PBLD: variants seen among roughly 807,000 people sequenced by gnomAD.
PBLD encodes phenazine biosynthesis-like domain-containing protein.
Under a neutral mutation model 31.3 loss-of-function variants are expected in PBLD, and 26 were observed. The ratio of observed to expected loss-of-function variants is 0.83; its 90% CI spans 0.61 to 1.15. The LOEUF is 1.15. Ranked by LOEUF, PBLD falls within the 50% of genes most tolerant of loss-of-function variation. The probability of loss-of-function intolerance (pLI) is 0.00; values close to 1 mark genes in which losing one functional copy is unlikely to be tolerated. For missense variants in PBLD, 307 were observed against 351.7 expected (o/e 0.87, Z 1.02); for synonymous variants, 114 against 129.0 (o/e 0.88, Z 0.79).
At chr10:68,297,186 G>A in intron 2 of PBLD, 1 of 576,868 alleles carries the variant, frequency 1.7e-6, no homozygotes, top group East Asian at 3.0e-5. Context: ...TGTGAAGAAG[G>A]GTTATAAATG....
chr10:68,304,712 A>G (rs990118982), intron 2 of PBLD, among the ~76,000 whole-genome samples: 5 of 152,244 alleles, frequency 3.3e-5, no homozygotes, highest in African/African-American at 9.6e-5. Context: ...ATTCTATTCA[A>G]TATAAACTAC....
At chr10:68,308,056 A>G (rs1478250495) in intron 1 of PBLD, among the ~76,000 whole-genome samples, 1 of 152,174 alleles carries the variant, frequency 6.6e-6, no homozygotes, top group African/African-American at 2.4e-5. Flanking sequence ...GTATTCACAG[A>G]GGATAGATCC....
In PBLD at chr10:68,282,726, C is replaced by T. The variant is rs534700614; in HGVS notation, c.*1451G>A. On this transcript the variant is annotated 3_prime_UTR_variant, in exon 10 of 10. Transcript: ENST00000358769. ...AGATTACTGCTATAATAAATTCACT[C>T]TTACATGCTTTAGCAAAAATCAGTA... is the stretch of plus-strand genomic sequence containing the variant. 6.6e-6 allele frequency: 1 copy of T among 152,136 alleles called. No homozygotes were observed. Among genetic ancestry groups the T allele is most frequent in the East Asian group, 1.9e-4 (1 of 5,180 alleles). 9.4% of individuals were successfully genotyped at this position (152,136 alleles called of 1,614,324 possible).
chr10:68,305,254 C>T (rs908228946), intron 2 of PBLD, among the ~76,000 whole-genome samples: 7 of 149,650 alleles, frequency 4.7e-5, no homozygotes, highest in Non-Finnish European at 1.0e-4. Flanking sequence ...AAACGACATT[C>T]CGCTCATCAG....
rs182346320 is a variant in PBLD at position 68,315,722 on chromosome 10, G to A, written c.-59-8819C>T. ...AAACCCTAAGCTCTCACCTCTGACT[G>A]AGACCTAGGGGTTTTGTGCAAGCAG... On this transcript the variant is annotated intron_variant, in intron 1 of 9. Transcript: ENST00000358769. Among the ~76,000 whole-genome samples, 69 of 152,246 alleles carry A rather than the reference G, an allele frequency of 4.5e-4. 1 individual carries two copies. In the East Asian group the frequency reaches 9.5e-3, roughly 21 times the overall value.
chr10:68,307,791 A>AC (rs1273605471), intron 1 of PBLD, among the ~76,000 whole-genome samples: 2 of 152,018 alleles, frequency 1.3e-5, no homozygotes, highest in Non-Finnish European at 2.9e-5. Context: ...GAGCCACCGC[A>AC]CCCGGCCGCT....
intron 8 of PBLD, among the ~76,000 whole-genome samples, chr10:68,285,699 G>GAC (rs1228668735): frequency 6.7e-6 from 1 of 150,234 alleles, no homozygotes; most frequent in Non-Finnish European, 1.5e-5. Flanking sequence ...ATTTTTTTGA[G>GAC]ACACAGTCTT....
intron 4 of PBLD, 152 bp from the exon 5 acceptor site, chr10:68,292,390 G>A: frequency 4.7e-6 from 3 of 640,018 alleles, no homozygotes; most frequent in Non-Finnish European, 8.1e-6. Flanking sequence ...CTAGAATGGA[G>A]AAAACTCTCA....
Position 68,283,942 on chromosome 10 carries a change from T to C in PBLD, c.*235A>G, listed in dbSNP as rs2044256728. 1 of 356,166 alleles carries C rather than the reference T, an allele frequency of 2.8e-6. No homozygotes were observed. Among genetic ancestry groups the C allele is most frequent in the Non-Finnish European group, 5.2e-6 (1 of 192,258 alleles). 22.1% of individuals were successfully genotyped at this position (356,166 alleles called of 1,614,324 possible). ...TTGTATTTGTAGTAGAGACGAGGTT[T>C]CACCATGTTGGCCAGGCTGGTGTCG... On this transcript the variant is annotated 3_prime_UTR_variant, in exon 10 of 10. Coordinates refer to ENST00000358769, the MANE Select transcript of PBLD (RefSeq NM_022129.4).
chr10:68,324,208 C>T (rs370821377), intron 1 of PBLD, among the ~76,000 whole-genome samples: 1 of 151,526 alleles, frequency 6.6e-6, no homozygotes. Context: ...CACCATGCCT[C>T]GCTCTGTTGC....
At chr10:68,309,227 G>A (rs1188614533) in intron 1 of PBLD, among the ~76,000 whole-genome samples, 1 of 149,130 alleles carries the variant, frequency 6.7e-6, no homozygotes, top group Non-Finnish European at 1.5e-5. Flanking sequence ...CCAACGTGGT[G>A]AAACCCATCT....
rs1400172957 is a variant in PBLD at position 68,296,983 on chromosome 10, T to C, written c.87A>G (p.Glu29=). 1 of 1,609,226 alleles carries C rather than the reference T, an allele frequency of 6.2e-7. No individual in the cohort carries two copies. The highest frequency in any genetic ancestry group is 2.2e-5 in the East Asian group (1 of 44,856). The change falls in exon 3 of 10, where the codon GAA becomes GAG. Residue 29 remains glutamate, a splice_region_variant and synonymous_variant. Coordinates refer to ENST00000358769, the MANE Select transcript of PBLD (RefSeq NM_022129.4). ...TTTTCTGATGCATGTCTTCATCCAA[T>C]TCCTTAATTAGAAACAGACGATCAT... ...NPAAVCLLEN[E]LDEDMHQKIA... is the part of the protein sequence containing the mutation.
chr10:68,319,588 G>T (rs1402997706), intron 1 of PBLD, among the ~76,000 whole-genome samples: 1 of 152,068 alleles, frequency 6.6e-6, no homozygotes, highest in East Asian at 2.0e-4. Flanking sequence ...AGGTGTGGTG[G>T]TGTGTGCCAG....
At chr10:68,327,084 C>T (rs2044933936) in intron 1 of PBLD, among the ~76,000 whole-genome samples, 1 of 151,942 alleles carries the variant, frequency 6.6e-6, no homozygotes, top group Non-Finnish European at 1.5e-5. Context: ...AACTGGGGTT[C>T]AGAAAAGTTA....
At chr10:68,313,699 T>C (rs1457972518) in intron 1 of PBLD, among the ~76,000 whole-genome samples, 2 of 152,190 alleles carry the variant, frequency 1.3e-5, no homozygotes, top group African/African-American at 4.8e-5. Flanking sequence ...TTCTTGCTCC[T>C]CAAAAGCTCA....
intron 6 of PBLD, among the ~76,000 whole-genome samples, chr10:68,290,767 T>C (rs1250210476): frequency 6.6e-6 from 1 of 152,190 alleles, no homozygotes; most frequent in Non-Finnish European, 1.5e-5. Flanking sequence ...TGCCAGTTTC[T>C]AGGGAAGAAC....
chr10:68,319,686 A>C (rs2044803076), intron 1 of PBLD, among the ~76,000 whole-genome samples: 1 of 152,046 alleles, frequency 6.6e-6, no homozygotes, highest in Admixed American at 6.6e-5. Context: ...ACAACACTGC[A>C]CTCCGGCCAG....
intron 1 of PBLD, among the ~76,000 whole-genome samples, chr10:68,324,924 A>T (rs1412309841): frequency 6.9e-6 from 1 of 144,266 alleles, no homozygotes; most frequent in Non-Finnish European, 1.5e-5. Context: ...CCAACTCTCC[A>T]CACTTTAATC....
rs144994660 is a variant in PBLD at position 68,326,902 on chromosome 10, C to G, written c.-60+5882G>C. On this transcript the variant is annotated intron_variant, in intron 1 of 9. Coordinates refer to ENST00000358769, the MANE Select transcript of PBLD (RefSeq NM_022129.4). ...TCTCTACCAAAAACACAAAAATTAGCTGGGTGTGGTGGCACATGCCTGTAA... is the reference window on the plus strand; with the variant it reads ...TCTCTACCAAAAACACAAAAATTAGGTGGGTGTGGTGGCACATGCCTGTAA... Among the ~76,000 whole-genome samples, 1,051 of 152,192 alleles carry G rather than the reference C, an allele frequency of 6.9e-3. 5 individuals carry two copies. Among genetic ancestry groups the G allele is most frequent in the Non-Finnish European group, 0.011 (736 of 68,008 alleles).
Sources: allele counts gnomAD v4.1 joint callset (sites outside exome capture counted in the v4.1 genomes callset), GRCh38; gene constraint gnomAD v4.1.1; transcripts MANE v1.5; gene names NCBI Gene and HGNC (gene_info 2026-07-23, HGNC 2026-07-21).